ACTR3: variants seen among roughly 807,000 people sequenced by gnomAD.
The protein encoded by ACTR3 is actin related protein 3.
ACTR3 carries 12 observed loss-of-function variants against 56.8 expected under a neutral mutation model. That is an observed-to-expected ratio of 0.21 (90% CI 0.14 to 0.34). The LOEUF is 0.34. ACTR3 is among the 10% of genes least tolerant of loss of function. The pLI, the probability that ACTR3 is intolerant of heterozygous loss-of-function variation, is 1.00. For synonymous variants in ACTR3, 162 were observed against 167.4 expected, an observed-to-expected ratio of 0.97 and a Z score of 0.25; for missense variants, 282 against 512.5, an observed-to-expected ratio of 0.55 and a Z score of 4.34.
At chr2:113,915,814 G>A (rs993235484) in intron 2 of ACTR3, among the ~76,000 whole-genome samples, 2 of 152,126 alleles carry the variant, frequency 1.3e-5, no homozygotes, top group Non-Finnish European at 2.9e-5. Context: ...TTTGCCTGCT[G>A]TAAGAAGGTT....
chr2:113,915,508 C>T (rs1057100879), intron 2 of ACTR3, among the ~76,000 whole-genome samples: 1 of 152,174 alleles, frequency 6.6e-6, no homozygotes, highest in Non-Finnish European at 1.5e-5. Context: ...GACTTCATAT[C>T]TTTTTGGTGA....
chr2:113,943,276 A>G (rs1024240975), intron 8 of ACTR3, among the ~76,000 whole-genome samples: 3 of 152,172 alleles, frequency 2.0e-5, no homozygotes, highest in Non-Finnish European at 4.4e-5. Context: ...GTAGGGGAGT[A>G]TATGTATTTT....
rs1348273581 is a variant in ACTR3, at chr2:113,951,864, T to C, written c.1077+19T>C. ...ATTGAAGGTTGGTTTTCCCAATTAT[T>C]GGTGAGAAGGTTGAGGGTGCCTTCC... On this transcript the variant is annotated intron_variant, in intron 10 of 11. Coordinates refer to ENST00000263238, the MANE Select transcript of ACTR3 (RefSeq NM_005721.5). 5.6e-6 allele frequency: 9 copies of C among 1,612,230 alleles called. No individual in the cohort carries two copies. The Admixed American group carries it at 1.5e-4, about 27-fold the overall frequency.
chr2:113,920,748 A>G (rs1425197420), intron 3 of ACTR3, among the ~76,000 whole-genome samples: 1 of 152,086 alleles, frequency 6.6e-6, no homozygotes, highest in Non-Finnish European at 1.5e-5. Context: ...GCAATTTTTT[A>G]TCTTTTAGTC....
chr2:113,903,980 C>G (rs917825186), intron 1 of ACTR3: 1 of 152,332 alleles, frequency 6.6e-6, no homozygotes, highest in African/African-American at 2.4e-5. Context: ...CCTCAGCCTC[C>G]TGAGTAGCTG....
chr2:113,893,095 C>T (rs1021405285), intron 1 of ACTR3, among the ~76,000 whole-genome samples: 2 of 152,048 alleles, frequency 1.3e-5, no homozygotes, highest in Non-Finnish European at 2.9e-5. Flanking sequence ...CACATAGATT[C>T]CCATTGGTGG....
Position 113,957,458 on chromosome 2 carries a change from T to C in ACTR3, c.*3T>C. On this transcript the variant is annotated 3_prime_UTR_variant, in exon 12 of 12. Transcript: ENST00000263238. ...CAGTGTTTGGAGTCATGTCGTAAAA[T>C]TGGCTTCATAGTTATTGGGGTTAGG... The C allele has an allele frequency of 6.2e-7, 1 of 1,611,474 alleles. No homozygotes were observed. The highest frequency in any genetic ancestry group is 1.1e-5 in the South Asian group (1 of 90,924).
At chr2:113,910,338 C>T (rs79973262) in intron 1 of ACTR3, among the ~76,000 whole-genome samples, 3,464 of 152,284 alleles carry the variant, frequency 0.023, 136 homozygotes, top group African/African-American at 0.078. Context: ...ACGTCTACGT[C>T]TCTTCCTACA....
intron 1 of ACTR3, among the ~76,000 whole-genome samples, chr2:113,903,636 A>T (rs1679141652): frequency 6.6e-6 from 1 of 151,138 alleles, no homozygotes; most frequent in Non-Finnish European, 1.5e-5. Context: ...CCTGGGTTAA[A>T]GCAATTCTCC....
chr2:113,923,403 T>C (rs985747493), intron 3 of ACTR3, among the ~76,000 whole-genome samples: 5 of 152,130 alleles, frequency 3.3e-5, no homozygotes, highest in Non-Finnish European at 7.3e-5. Context: ...AGTGGCGCGA[T>C]CTCAGCTCAC....
At chr2:113,917,481 G>C (rs1434980058) in intron 3 of ACTR3, among the ~76,000 whole-genome samples, 1 of 151,804 alleles carries the variant, frequency 6.6e-6, no homozygotes, top group Non-Finnish European at 1.5e-5. Context: ...TAATTATACA[G>C]TTCGAAGAAT....
chr2:113,939,429 T>C (rs1679886316), intron 6 of ACTR3, among the ~76,000 whole-genome samples: 1 of 152,210 alleles, frequency 6.6e-6, no homozygotes, highest in Non-Finnish European at 1.5e-5. Context: ...TAATATTCTT[T>C]CCTAATGAAA....
rs559647219 is a variant in ACTR3 at position 113,921,318 on chromosome 2, GT to G, written c.225+4325del. 6.3e-3 allele frequency among the ~76,000 whole-genome samples: 802 copies of G among 127,228 alleles called. 7 individuals are homozygous for G. The highest frequency in any genetic ancestry group is 0.015 in the African/African-American group (530 of 34,796). The allele number at this position is 127,228 out of a possible 152,430, so 83.5% of individuals were successfully genotyped here. A position where few individuals can be genotyped will look rare whatever the true frequency, so the allele number is the denominator to read the frequency against. ...TATTTGCCCTTTTAAAAAAATCAGT[GT>G]TTTTTTTTTTTTTTCTTGCTGTTGA... On this transcript the variant is annotated intron_variant, in intron 3 of 11. Transcript: ENST00000263238.
intron 8 of ACTR3, among the ~76,000 whole-genome samples, chr2:113,949,812 C>CTT (rs1330509481): frequency 6.6e-6 from 1 of 152,214 alleles, no homozygotes; most frequent in Non-Finnish European, 1.5e-5. Flanking sequence ...ATGGTCCTGC[C>CTT]TTGGCCTCCC....
At chr2:113,951,008 C>T (rs1181533778) in intron 8 of ACTR3, 1 of 153,312 alleles carries the variant, frequency 6.5e-6, no homozygotes, top group Non-Finnish European at 1.5e-5. Flanking sequence ...CTTATTCACT[C>T]CATGAGAACA....
intron 11 of ACTR3, among the ~76,000 whole-genome samples, chr2:113,956,101 A>G (rs1382730002): frequency 6.6e-6 from 1 of 151,966 alleles, no homozygotes; most frequent in Non-Finnish European, 1.5e-5. Context: ...ATGTTGGGCC[A>G]GGCTGGTCTC....
intron 6 of ACTR3, among the ~76,000 whole-genome samples, chr2:113,937,896 T>C (rs1410525243): frequency 6.6e-6 from 1 of 152,144 alleles, no homozygotes; most frequent in Non-Finnish European, 1.5e-5. Context: ...TCATCATATT[T>C]GGAAAGTTTT....
Position 113,957,909 on chromosome 2 carries a change from A to G in ACTR3, c.*454A>G, listed in dbSNP as rs1680252159. On this transcript the variant is annotated 3_prime_UTR_variant, in exon 12 of 12. Coordinates refer to ENST00000263238, the MANE Select transcript of ACTR3 (RefSeq NM_005721.5). ...TGAGGGAAAAAACCATGACCAAGTAAAGGATAAATTCAAAAAATAGCCTCA... is the reference window on the plus strand; with the variant it reads ...TGAGGGAAAAAACCATGACCAAGTAGAGGATAAATTCAAAAAATAGCCTCA... 6.5e-6 allele frequency: 1 copy of G among 153,552 alleles called. No individual in the cohort carries two copies. Among genetic ancestry groups the G allele is most frequent in the Non-Finnish European group, 1.5e-5 (1 of 68,684 alleles). The allele number at this position is 153,552 out of a possible 1,614,324, so 9.5% of individuals were successfully genotyped here.
chr2:113,903,274 T>C (rs988856713), intron 1 of ACTR3, among the ~76,000 whole-genome samples: 3 of 152,238 alleles, frequency 2.0e-5, no homozygotes, highest in African/African-American at 7.2e-5. Context: ...TGTGGTTTTC[T>C]TTATATTTAT....
Sources: allele counts gnomAD v4.1 joint callset (sites outside exome capture counted in the v4.1 genomes callset), GRCh38; gene constraint gnomAD v4.1.1; transcripts MANE v1.5; gene names NCBI Gene and HGNC (gene_info 2026-07-23, HGNC 2026-07-21).